Variants in LRRIQ3 observed in about 807,000 individuals in gnomAD.
The protein encoded by LRRIQ3 is leucine rich repeats and IQ motif containing 3, also known as leucine-rich repeat and IQ domain-containing protein 3.
A neutral mutation model predicts 59.3 loss-of-function variants in LRRIQ3; 75 were observed. The observed-to-expected ratio is 1.26, with a 90% CI of 1.05 to 1.53. The LOEUF (loss-of-function observed/expected upper bound fraction) is 1.53, where lower values mean the gene tolerates loss of function less well. Among genes scored for constraint, LRRIQ3 ranks in the 40% most tolerant of loss-of-function variants. The probability of loss-of-function intolerance (pLI) is 0.00; values close to 1 mark genes in which losing one functional copy is unlikely to be tolerated. For synonymous variants in LRRIQ3, 250 were observed against 231.3 expected (o/e 1.08, Z -0.73); for missense variants, 831 against 710.0 (o/e 1.17, Z -1.94).
At chr1:74,166,619 G>T (rs78078686) in intron 3 of LRRIQ3, among the ~76,000 whole-genome samples, 1,691 of 151,570 alleles carry the variant, frequency 0.011, 45 homozygotes, top group East Asian at 0.052. Context: ...TTCTTGAGTG[G>T]GAAGCATAGA....
At chr1:74,117,388 AAAGAT>A (rs1298071904) in intron 4 of LRRIQ3, among the ~76,000 whole-genome samples, 1 of 152,200 alleles carries the variant, frequency 6.6e-6, no homozygotes, top group Non-Finnish European at 1.5e-5. Context: ...AGTATGAAGA[AAAGAT>A]AAGGCCTTAT....
intron 6 of LRRIQ3, among the ~76,000 whole-genome samples, chr1:74,074,037 A>G (rs1179282449): frequency 2.0e-5 from 3 of 152,156 alleles, no homozygotes; most frequent in African/African-American, 7.2e-5. Flanking sequence ...AATTTATAAA[A>G]TTTAACTAAT....
At chr1:74,046,938 A>T (rs1264609421) in intron 6 of LRRIQ3, among the ~76,000 whole-genome samples, 1 of 152,224 alleles carries the variant, frequency 6.6e-6, no homozygotes, top group Non-Finnish European at 1.5e-5. Flanking sequence ...ATCATTAAAA[A>T]GTCAGGAAAC....
At chr1:74,042,066 T>C in intron 6 of LRRIQ3, 133 bp from the exon 7 acceptor site, 1 of 848,786 alleles carries the variant, frequency 1.2e-6, no homozygotes, top group Non-Finnish European at 1.6e-6. Context: ...CCAAGTACCT[T>C]TTCAACTTGT....
At chr1:74,043,513 G>A (rs551823236) in intron 6 of LRRIQ3, among the ~76,000 whole-genome samples, 111 of 152,236 alleles carry the variant, frequency 7.3e-4, no homozygotes, top group Non-Finnish European at 1.8e-4. Flanking sequence ...AGAAAAGGCA[G>A]TCCATCAGGA....
intron 5 of LRRIQ3, among the ~76,000 whole-genome samples, chr1:74,079,728 C>T (rs1169180061): frequency 1.3e-5 from 2 of 151,640 alleles, no homozygotes; most frequent in Non-Finnish European, 3.0e-5. Context: ...ATGAATATAG[C>T]CAAAGAGAAA....
At chr1:74,132,520 T>C (rs1012760776) in intron 4 of LRRIQ3, among the ~76,000 whole-genome samples, 4 of 151,948 alleles carry the variant, frequency 2.6e-5, no homozygotes, top group African/African-American at 9.7e-5. Context: ...AACAGAGATA[T>C]AGACCAATGG....
chr1:74,091,188 TAAACATGGAATA>T (rs1452112923), intron 5 of LRRIQ3, among the ~76,000 whole-genome samples: 4 of 151,984 alleles, frequency 2.6e-5, no homozygotes, highest in African/African-American at 7.2e-5. Context: ...ATGATACAAG[TAAACATGGAATA>T]AAACAGGCTG....
chr1:74,161,082 C>T (rs1254646501), intron 3 of LRRIQ3, among the ~76,000 whole-genome samples: 3 of 151,982 alleles, frequency 2.0e-5, no homozygotes, highest in Non-Finnish European at 4.4e-5. Flanking sequence ...CAAGATAAAG[C>T]TACTGGCAGT....
At chr1:74,136,862 A>T (rs939750628) in intron 4 of LRRIQ3, among the ~76,000 whole-genome samples, 5 of 151,972 alleles carry the variant, frequency 3.3e-5, no homozygotes, top group African/African-American at 1.2e-4. Context: ...TGCAACTCAA[A>T]CCATAAACAG....
At chr1:74,130,330 A>T (rs1646994664) in intron 4 of LRRIQ3, among the ~76,000 whole-genome samples, 1 of 152,082 alleles carries the variant, frequency 6.6e-6, no homozygotes, top group Non-Finnish European at 1.5e-5. Context: ...CTCAATGCAC[A>T]TTCCATGAGC....
At chr1:74,113,155 A>T (rs1212118697) in intron 4 of LRRIQ3, among the ~76,000 whole-genome samples, 1 of 152,052 alleles carries the variant, frequency 6.6e-6, no homozygotes, top group South Asian at 2.1e-4. Context: ...ATTTAAAAAA[A>T]ACCAAAAATT....
intron 5 of LRRIQ3, among the ~76,000 whole-genome samples, chr1:74,076,963 T>C (rs559154227): frequency 6.6e-6 from 1 of 152,204 alleles, no homozygotes; most frequent in African/African-American, 2.4e-5. Context: ...CATTTAAAAA[T>C]TTTTCAATGT....
intron 4 of LRRIQ3, among the ~76,000 whole-genome samples, chr1:74,145,912 C>G (rs1454805064): frequency 6.6e-6 from 1 of 151,960 alleles, no homozygotes; most frequent in African/African-American, 2.4e-5. Context: ...CAGTTATATG[C>G]CATATAATGA....
intron 5 of LRRIQ3, chr1:74,083,012 A>G (rs1047309762): frequency 6.6e-6 from 1 of 151,810 alleles, no homozygotes; most frequent in Admixed American, 6.6e-5. Flanking sequence ...AAGTATAGTT[A>G]TGTTTCTTCT....
chr1:74,079,503 C>T (rs988521754), intron 5 of LRRIQ3, among the ~76,000 whole-genome samples: 1 of 151,722 alleles, frequency 6.6e-6, no homozygotes, highest in Non-Finnish European at 1.5e-5. Context: ...AGAAATAGTC[C>T]TCCTCCTATT....
chr1:74,092,257 A>T (rs1389547514), intron 5 of LRRIQ3, among the ~76,000 whole-genome samples: 1 of 152,138 alleles, frequency 6.6e-6, no homozygotes, highest in Non-Finnish European at 1.5e-5. Context: ...TAGTTCCATA[A>T]TATCAGTCCT....
chr1:74,122,246 T>C (rs372617410), intron 4 of LRRIQ3, among the ~76,000 whole-genome samples: 1 of 152,112 alleles, frequency 6.6e-6, no homozygotes, highest in Non-Finnish European at 1.5e-5. Flanking sequence ...CAGGCACCTG[T>C]TGTTTCCTGA....
intron 5 of LRRIQ3, among the ~76,000 whole-genome samples, chr1:74,080,474 G>T (rs368786237): frequency 4.0e-5 from 6 of 151,500 alleles, no homozygotes; most frequent in African/African-American, 1.5e-4. Flanking sequence ...ATTAAGGAGC[G>T]GTAGCAGTGG....
Sources: gnomAD v4.1 joint callset for allele counts (sites outside exome capture counted in the v4.1 genomes callset) on GRCh38, gnomAD v4.1.1 for gene constraint, MANE v1.5 for transcripts, NCBI Gene and HGNC (gene_info 2026-07-23, HGNC 2026-07-21) for gene names.